Variants in GJB7 observed in about 807,000 individuals in gnomAD.
The protein encoded by GJB7 is gap junction protein beta 7.
For synonymous variants in GJB7, 87 were observed against 95.2 expected (o/e 0.91, Z 0.50); for missense variants, 253 against 256.8 (o/e 0.99, Z 0.10).
chr6:87,326,120 T>C (rs1440843913), intron 1 of GJB7, among the ~76,000 whole-genome samples: 2 of 152,250 alleles, frequency 1.3e-5, no homozygotes, highest in Non-Finnish European at 2.9e-5. Context: ...ATATCCCTTT[T>C]ATCATTTTTT....
At chr6:87,304,534 T>C (rs1210831808) in intron 2 of GJB7, among the ~76,000 whole-genome samples, 3 of 152,166 alleles carry the variant, frequency 2.0e-5, no homozygotes. Flanking sequence ...CAATAATTAA[T>C]AGACTACCAA....
At chr6:87,302,030 C>T (rs112904557) in intron 2 of GJB7, among the ~76,000 whole-genome samples, 2 of 152,134 alleles carry the variant, frequency 1.3e-5, no homozygotes, top group East Asian at 1.9e-4. Flanking sequence ...CCCATCTGTA[C>T]GTCAAAATCA....
intron 2 of GJB7, among the ~76,000 whole-genome samples, chr6:87,305,123 G>T (rs1436336708): frequency 6.6e-6 from 1 of 152,164 alleles, no homozygotes; most frequent in Admixed American, 6.5e-5. Flanking sequence ...CATAAGATAG[G>T]TTTGCCCTCT....
chr6:87,327,922 A>T (rs1776871875), intron 1 of GJB7, among the ~76,000 whole-genome samples: 4 of 149,576 alleles, frequency 2.7e-5, no homozygotes, highest in Admixed American at 6.6e-5. Context: ...CTTTTCACAT[A>T]GTCCCATATT....
chr6:87,295,745 C>G (rs1254001953), intron 2 of GJB7, among the ~76,000 whole-genome samples: 1 of 152,136 alleles, frequency 6.6e-6, no homozygotes, highest in Non-Finnish European at 1.5e-5. Flanking sequence ...AGCAGAGCCA[C>G]CGCTCTGGTC....
intron 2 of GJB7, 42 bp downstream of exon 2, chr6:87,322,824 G>C (rs1187265205): frequency 6.6e-6 from 1 of 152,192 alleles, no homozygotes; most frequent in Non-Finnish European, 1.5e-5. Flanking sequence ...CCCCAAGTCG[G>C]TGAAGCTCTC....
At chr6:87,311,005 G>T (rs1776507279) in intron 2 of GJB7, among the ~76,000 whole-genome samples, 1 of 152,168 alleles carries the variant, frequency 6.6e-6, no homozygotes, top group Admixed American at 6.5e-5. Context: ...TAAACTTCTT[G>T]TAAGTCTATC....
intron 2 of GJB7, among the ~76,000 whole-genome samples, chr6:87,290,716 C>T (rs1358520546): frequency 6.6e-6 from 1 of 152,196 alleles, no homozygotes; most frequent in Middle Eastern, 3.2e-3. Context: ...TCCAGTCCAC[C>T]ACCTGTTTTG....
chr6:87,303,749 T>C (rs902384312), intron 2 of GJB7, among the ~76,000 whole-genome samples: 1 of 152,220 alleles, frequency 6.6e-6, no homozygotes, highest in Non-Finnish European at 1.5e-5. Context: ...GTTGCACTTA[T>C]TCCAAAATTG....
intron 2 of GJB7, among the ~76,000 whole-genome samples, chr6:87,304,456 C>T (rs969637596): frequency 6.6e-6 from 1 of 151,962 alleles, no homozygotes; most frequent in Non-Finnish European, 1.5e-5. Flanking sequence ...ACACATACAC[C>T]CTCCCAAGAC....
At chr6:87,292,029 A>G (rs957124834) in intron 2 of GJB7, 1 of 152,366 alleles carries the variant, frequency 6.6e-6, no homozygotes. Flanking sequence ...CTGAGAGCAA[A>G]CTAGTGCTTT....
At chr6:87,289,054 A>T (rs1031145845) in intron 2 of GJB7, among the ~76,000 whole-genome samples, 1 of 152,136 alleles carries the variant, frequency 6.6e-6, no homozygotes, top group Admixed American at 6.5e-5. Flanking sequence ...TAGCCTGTGT[A>T]GTGGTGCCCA....
Position 87,295,297 on chromosome 6 carries a change from T to G in GJB7, c.-27-10358A>C, listed in dbSNP as rs143082967. Among the ~76,000 whole-genome samples, 330 of 152,324 alleles carry G rather than the reference T, an allele frequency of 2.2e-3. 1 individual carries two copies. The highest frequency in any genetic ancestry group is 0.01 in the Middle Eastern group (3 of 294). ...ACATGAAGAAGGAAGTGCCTGGCAA[T>G]TCTCAGTTATACCAGTAGTAGGAGA... On this transcript the variant is annotated intron_variant, in intron 2 of 2. Coordinates refer to ENST00000525899, the MANE Select transcript of GJB7 (RefSeq NM_198568.3).
At chr6:87,286,708 A>AAG (rs1776066978) in intron 2 of GJB7, among the ~76,000 whole-genome samples, 1 of 152,208 alleles carries the variant, frequency 6.6e-6, no homozygotes, top group Non-Finnish European at 1.5e-5. Flanking sequence ...TGATATGCTC[A>AAG]GAACTCTGTT....
At chr6:87,324,771 A>G (rs181303100) in intron 1 of GJB7, among the ~76,000 whole-genome samples, 17 of 152,248 alleles carry the variant, frequency 1.1e-4, no homozygotes, top group African/African-American at 3.4e-4. Context: ...TTGGTTCCAT[A>G]TGAACTTTAA....
chr6:87,320,420 T>G (rs1330936442), intron 2 of GJB7, among the ~76,000 whole-genome samples: 2 of 152,210 alleles, frequency 1.3e-5, no homozygotes, highest in Non-Finnish European at 2.9e-5. Flanking sequence ...GCCAAAATAT[T>G]GGTACCTTCT....
chr6:87,306,063 C>T (rs2127905320), intron 2 of GJB7, among the ~76,000 whole-genome samples: 1 of 151,868 alleles, frequency 6.6e-6, no homozygotes, highest in South Asian at 2.1e-4. Flanking sequence ...AGACCTAAAA[C>T]CATAAAAACC....
chr6:87,295,050 A>G (rs534757058), intron 2 of GJB7, among the ~76,000 whole-genome samples: 23 of 152,274 alleles, frequency 1.5e-4, no homozygotes, highest in African/African-American at 5.5e-4. Flanking sequence ...CAGCTGCTCA[A>G]TAGATGACAG....
intron 1 of GJB7, among the ~76,000 whole-genome samples, chr6:87,328,261 C>A (rs1044242067): frequency 1.3e-5 from 2 of 151,924 alleles, no homozygotes; most frequent in Non-Finnish European, 2.9e-5. Flanking sequence ...TCGTCAAAGT[C>A]ATTCTCCGTC....
Sources: allele counts gnomAD v4.1 joint callset (sites outside exome capture counted in the v4.1 genomes callset), GRCh38; gene constraint gnomAD v4.1.1; transcripts MANE v1.5; gene names NCBI Gene and HGNC (gene_info 2026-07-23, HGNC 2026-07-21).